The following RTL4 variants were observed in gnomAD, a reference collection of about 807,000 sequenced individuals.
RTL4 encodes the protein retrotransposon Gag like 4.
A neutral mutation model predicts 5.3 loss-of-function variants in RTL4; 4 were observed. That is an observed-to-expected ratio of 0.75 (90% confidence interval 0.37 to 1.72). The LOEUF is 1.72. RTL4 is among the 40% of genes most tolerant of loss of function. The probability of loss-of-function intolerance (pLI) is 0.04; values close to 1 mark genes in which losing one functional copy is unlikely to be tolerated. For missense variants in RTL4, 260 were observed against 227.1 expected (o/e 1.14, Z -0.93); for synonymous variants, 98 against 87.3 (o/e 1.12, Z -0.68).
the RTL4 span, among the ~76,000 whole-genome samples, chrX:112,083,418 G>A: frequency 3.6e-5 from 4 of 112,603 alleles, no homozygotes; most frequent in African/African-American, 1.3e-4. Flanking sequence ...AGTAAGGGCG[G>A]CGGGCGGCTG....
At chrX:112,188,177 T>C in the RTL4 span, among the ~76,000 whole-genome samples, 32,274 of 110,459 alleles carry the variant, frequency 0.29, 4,373 homozygotes, top group African/African-American at 0.52. Context: ...AATGTTTAAA[T>C]ACTTAAGCTC....
At chrX:112,191,838 A>G in the RTL4 span, among the ~76,000 whole-genome samples, 6 of 111,851 alleles carry the variant, frequency 5.4e-5, no homozygotes, top group South Asian at 2.2e-3. Context: ...GTTTGAGAAG[A>G]TTGTTATCTT....
the RTL4 span, among the ~76,000 whole-genome samples, chrX:112,117,890 T>C: frequency 8.9e-6 from 1 of 112,111 alleles, no homozygotes; most frequent in Middle Eastern, 4.6e-3. Flanking sequence ...ATATTAATCA[T>C]AATTATAATA....
chrX:112,397,732 A>C, the RTL4 span, among the ~76,000 whole-genome samples: 20,458 of 111,403 alleles, frequency 0.18, 1,431 homozygotes, highest in Admixed American at 0.3. Context: ...TTTATACTTA[A>C]GAATTTTATA....
chrX:112,404,106 G>C, the RTL4 span, among the ~76,000 whole-genome samples: 1 of 111,047 alleles, frequency 9.0e-6, no homozygotes, highest in Non-Finnish European at 1.9e-5. Context: ...AAGTGTAGTT[G>C]CCATTTATTA....
the RTL4 span, among the ~76,000 whole-genome samples, chrX:112,394,836 T>C: frequency 8.9e-6 from 1 of 112,283 alleles, no homozygotes; most frequent in South Asian, 3.6e-4. Flanking sequence ...TGGTAAATTC[T>C]TTTTATGGTT....
At chrX:112,241,573 TC>T in the RTL4 span, among the ~76,000 whole-genome samples, 1 of 112,406 alleles carries the variant, frequency 8.9e-6, no homozygotes, top group South Asian at 3.7e-4. Context: ...TTGTTTAAGT[TC>T]TTTGTCGATT....
chrX:112,200,367 T>G, the RTL4 span, among the ~76,000 whole-genome samples: 1 of 112,030 alleles, frequency 8.9e-6, no homozygotes, highest in Non-Finnish European at 1.9e-5. Context: ...AGTCAGAGAT[T>G]TTGGCTGATT....
At chrX:112,175,222 T>G in the RTL4 span, among the ~76,000 whole-genome samples, 1 of 99,285 alleles carries the variant, frequency 1.0e-5, no homozygotes, top group African/African-American at 3.7e-5. Flanking sequence ...GGTCTAACGT[T>G]TAAGTCTTTA....
the RTL4 span, among the ~76,000 whole-genome samples, chrX:112,183,868 T>C: frequency 8.9e-6 from 1 of 111,916 alleles, no homozygotes; most frequent in South Asian, 3.8e-4. Context: ...TAATCCAGTC[T>C]ATCATTGATG....
upstream of RTL4, among the ~76,000 whole-genome samples, chrX:112,450,302 CA>C (rs1226915006): frequency 3.6e-5 from 4 of 112,168 alleles, no homozygotes; most frequent in African/African-American, 1.3e-4. Context: ...AATAATTTAC[CA>C]AACCCATTTT....
At chrX:112,146,761 G>A in the RTL4 span, among the ~76,000 whole-genome samples, 7 of 109,640 alleles carry the variant, frequency 6.4e-5, no homozygotes, top group East Asian at 2.9e-4. Flanking sequence ...AAAGACCTGC[G>A]CTGAGAGAGT....
the RTL4 span, among the ~76,000 whole-genome samples, chrX:112,221,137 A>T: frequency 8.9e-6 from 1 of 111,901 alleles, no homozygotes; most frequent in Non-Finnish European, 1.9e-5. Flanking sequence ...GCCTCAGGAA[A>T]CTTACAATTA....
At chrX:112,151,534 T>C in the RTL4 span, among the ~76,000 whole-genome samples, 1 of 111,888 alleles carries the variant, frequency 8.9e-6, no homozygotes, top group Non-Finnish European at 1.9e-5. Flanking sequence ...ACAAAAACAT[T>C]TGTGCTACTC....
At chrX:112,099,348 G>C in the RTL4 span, among the ~76,000 whole-genome samples, 3 of 111,448 alleles carry the variant, frequency 2.7e-5, no homozygotes. Flanking sequence ...TGAGAGTCTA[G>C]AGCACAGAGA....
At chrX:112,235,673 C>T in the RTL4 span, among the ~76,000 whole-genome samples, 4 of 111,822 alleles carry the variant, frequency 3.6e-5, no homozygotes, top group South Asian at 3.7e-4. Flanking sequence ...AAATGCTCCA[C>T]CAATTCAGAA....
chrX:112,195,171 A>G, the RTL4 span, among the ~76,000 whole-genome samples: 1 of 111,810 alleles, frequency 8.9e-6, no homozygotes, highest in Non-Finnish European at 1.9e-5. Context: ...TGCAGGAAGT[A>G]CAGAGCCATT....
chrX:112,374,637 A>T, the RTL4 span, among the ~76,000 whole-genome samples: 4 of 111,939 alleles, frequency 3.6e-5, no homozygotes, highest in African/African-American at 9.7e-5. Flanking sequence ...CCCTCTGTTT[A>T]TTTAAGTTTT....
At chrX:112,327,018 T>C in the RTL4 span, among the ~76,000 whole-genome samples, 1 of 111,627 alleles carries the variant, frequency 9.0e-6, no homozygotes, top group Non-Finnish European at 1.9e-5. Context: ...ATCACCATCA[T>C]CAAAGACCAA....
Sources: allele counts gnomAD v4.1 joint callset (sites outside exome capture counted in the v4.1 genomes callset), GRCh38; gene constraint gnomAD v4.1.1; transcripts MANE v1.5; gene names NCBI Gene and HGNC (gene_info 2026-07-23, HGNC 2026-07-21).